The following GON4L variants were observed in gnomAD, a reference collection of about 807,000 sequenced individuals.
The protein encoded by GON4L is GON-4-like protein.
A neutral mutation model predicts 211.8 loss-of-function variants in GON4L; 87 were observed. The observed-to-expected ratio is 0.41, with a 90% CI of 0.35 to 0.49. The LOEUF is 0.49. Ranked by LOEUF, GON4L falls within the 20% of genes least tolerant of loss-of-function variation. The pLI, the probability that GON4L is intolerant of heterozygous loss-of-function variation, is 0.15. For synonymous variants in GON4L, 875 were observed against 962.6 expected (o/e 0.91, Z 1.68); for missense variants, 2,155 against 2,659.5 (o/e 0.81, Z 4.17).
At position 155,750,707 on chromosome 1, in the gene GON4L, C is replaced by G; in HGVS notation, c.6603G>C (p.Met2201Ile). The G allele has an allele frequency of 6.3e-7, 1 of 1,587,068 alleles. No individual in the cohort carries two copies. Among genetic ancestry groups the G allele is most frequent in the South Asian group, 1.1e-5 (1 of 87,316 alleles). The change falls in exon 32 of 32, where the codon ATG (methionine) becomes ATC (isoleucine). Residue 2201 changes from methionine to isoleucine, a missense_variant. By Grantham distance (10) the Met-to-Ile change is conservative. This residue lies in a region of GON4L where 186 missense variants were observed against 308.1 expected (regional missense o/e 0.60). Transcript: ENST00000368331. Reference sequence around the variant, plus strand: ...CTTCACAGGCAGTGTGGAAGAGCTGCATGAGTTCTCGAAAACGGTGGGAAA... The same window carrying G: ...CTTCACAGGCAGTGTGGAAGAGCTGGATGAGTTCTCGAAAACGGTGGGAAA... ...AEVSHRFREL[M>I]QLFHTACEAS...
chr1:155,825,975 G>C (rs960301617), intron 3 of GON4L, among the ~76,000 whole-genome samples: 11 of 152,034 alleles, frequency 7.2e-5, no homozygotes, highest in African/African-American at 2.4e-4. Context: ...CCTGGGAGGC[G>C]GAGGTTGCAG....
chr1:155,808,945 A>C (rs1303095240), intron 10 of GON4L, among the ~76,000 whole-genome samples: 1 of 152,022 alleles, frequency 6.6e-6, no homozygotes, highest in East Asian at 1.9e-4. Context: ...AAAAGTTCTC[A>C]TACTATTACC....
intron 8 of GON4L, 63 bp from the exon 9 acceptor site, chr1:155,814,512 G>A (rs964964725): frequency 4.0e-6 from 6 of 1,505,986 alleles, no homozygotes; most frequent in Non-Finnish European, 5.5e-6. Context: ...AAAGTCTGAA[G>A]TATCTCAAGA....
chr1:155,771,581 C>A (rs1017103234), intron 18 of GON4L, among the ~76,000 whole-genome samples: 4 of 152,068 alleles, frequency 2.6e-5, no homozygotes. Context: ...CAAGCGATTC[C>A]CGTACTTCAT....
intron 19 of GON4L, among the ~76,000 whole-genome samples, chr1:155,770,131 G>C (rs577683722): frequency 6.6e-6 from 1 of 150,540 alleles, no homozygotes; most frequent in Non-Finnish European, 1.5e-5. Flanking sequence ...AGGAATGCTT[G>C]AGCCCAGTAG....
At chr1:155,797,332 C>A (rs980694170) in intron 11 of GON4L, among the ~76,000 whole-genome samples, 9 of 151,734 alleles carry the variant, frequency 5.9e-5, no homozygotes, top group Non-Finnish European at 1.0e-4. Flanking sequence ...TCAGGCTGGT[C>A]TCAAACTCCT....
chr1:155,832,531 C>G (rs994149517), intron 2 of GON4L, among the ~76,000 whole-genome samples: 1 of 151,882 alleles, frequency 6.6e-6, no homozygotes, highest in African/African-American at 2.4e-5. Context: ...CCCAGCTACT[C>G]GGGAGGCTGA....
At chr1:155,791,407 A>G (rs1293580616) in intron 12 of GON4L, among the ~76,000 whole-genome samples, 2 of 151,964 alleles carry the variant, frequency 1.3e-5, no homozygotes, top group African/African-American at 4.8e-5. Flanking sequence ...AGTAATGTGC[A>G]TGGTGAGAGG....
intron 22 of GON4L, 127 bp downstream of exon 22, chr1:155,763,185 G>A: frequency 1.3e-6 from 1 of 783,044 alleles, no homozygotes; most frequent in African/African-American, 1.7e-5. Flanking sequence ...GGGTGTTGCA[G>A]AAGAGATCCA....
At chr1:155,793,699 C>T (rs1474030684) in intron 12 of GON4L, among the ~76,000 whole-genome samples, 3 of 152,050 alleles carry the variant, frequency 2.0e-5, no homozygotes, top group Admixed American at 1.3e-4. Flanking sequence ...TCCTTGACCT[C>T]CTGGGCTGAA....
chr1:155,853,763 C>A lies in GON4L; in HGVS notation c.18G>T (p.Lys6Asn). 6.2e-7 allele frequency: 1 copy of A among 1,613,642 alleles called. No homozygotes were observed. The highest frequency in any genetic ancestry group is 8.5e-7 in the Non-Finnish European group (1 of 1,179,632). The change falls in exon 2 of 32, where the codon AAG becomes AAT. Residue 6 changes from lysine to asparagine, a missense_variant. By Grantham distance (94) the Lys-to-Asn change is moderately conservative. Coordinates refer to ENST00000368331, the MANE Select transcript of GON4L (RefSeq NM_001282860.2). ...GGGACTCTGTCACTGTAGTTCTTCT[C>A]TTCTTACAGGGCAACATTTTAAAAG... MLPCK[K>N]RRTTVTESLQ...
At position 155,765,675 on chromosome 1, in the gene GON4L, T is replaced by C; in HGVS notation, c.3798A>G (p.Glu1266=). ...PLSATVFPKV[E]HSPGPPLADA... The stretch of plus-strand genomic sequence containing the variant: ...CTGCTAGTGGAGGCCCTGGGCTATG[T>C]TCCACTTTCGGGAAAACAGTAGCAG... The change falls in exon 21 of 32, where the codon GAA becomes GAG. Residue 1266 remains glutamate, a synonymous_variant. Coordinates refer to ENST00000368331, the MANE Select transcript of GON4L (RefSeq NM_001282860.2). The C allele has an allele frequency of 6.2e-7, 1 of 1,614,176 alleles. No homozygotes were observed. The highest frequency in any genetic ancestry group is 8.5e-7 in the Non-Finnish European group (1 of 1,180,022).
intron 13 of GON4L, 37 bp from the exon 14 acceptor site, chr1:155,784,126 T>C (rs757107606): frequency 1.2e-6 from 2 of 1,610,938 alleles, no homozygotes; most frequent in African/African-American, 1.3e-5. Flanking sequence ...TCCTGGGGAA[T>C]GGGCCTCTGA....
intron 29 of GON4L, 57 bp from the exon 30 acceptor site, chr1:155,752,647 C>A (rs1478073226): frequency 6.4e-7 from 1 of 1,551,080 alleles, no homozygotes; most frequent in Non-Finnish European, 8.7e-7. Flanking sequence ...CACCTAAGCA[C>A]GAGAAATTAC....
intron 2 of GON4L, among the ~76,000 whole-genome samples, chr1:155,834,906 G>A (rs936691279): frequency 2.4e-4 from 35 of 146,196 alleles, no homozygotes; most frequent in African/African-American, 7.2e-4. Flanking sequence ...GGTGAGGGGC[G>A]CCTCTGCCCA....
intron 18 of GON4L, 28 bp downstream of exon 18, chr1:155,773,038 G>C: frequency 6.2e-7 from 1 of 1,611,322 alleles, no homozygotes. Context: ...ATGTTCTGCT[G>C]TTTTGATCCC....
chr1:155,853,183 C>T lies in GON4L; in HGVS notation c.505+93G>A, dbSNP rs201919208. ...CAATTCCGTACCAAATCAATATCCCCTTTCAGAAATACTACTCTGTAAAGG... is the reference window on the plus strand; with the variant it reads ...CAATTCCGTACCAAATCAATATCCCTTTTCAGAAATACTACTCTGTAAAGG... On this transcript the variant is annotated intron_variant, in intron 2 of 31. Transcript: ENST00000368331. 1.5e-5 allele frequency: 16 copies of T among 1,099,942 alleles called. No individual in the cohort carries two copies. The East Asian group carries it at 3.5e-4, about 24-fold the overall frequency. 68.1% of individuals were successfully genotyped at this position (1,099,942 alleles called of 1,614,324 possible).
chr1:155,748,397 C>T (rs1395455126), downstream of GON4L: 33 of 1,608,570 alleles, frequency 2.1e-5, no homozygotes, highest in Non-Finnish European at 2.3e-5. Flanking sequence ...TGTCTTCTTA[C>T]AGGCCATTCT....
intron 2 of GON4L, among the ~76,000 whole-genome samples, chr1:155,843,001 T>C (rs1057018318): frequency 2.0e-5 from 3 of 152,128 alleles, no homozygotes; most frequent in Non-Finnish European, 4.4e-5. Flanking sequence ...ACAAACCTGT[T>C]TTTGGTGAAT....
Sources: allele counts gnomAD v4.1 joint callset (sites outside exome capture counted in the v4.1 genomes callset), GRCh38; gene constraint gnomAD v4.1.1; regional missense constraint gnomAD v4.1.1; transcripts MANE v1.5; gene names NCBI Gene and HGNC (gene_info 2026-07-23, HGNC 2026-07-21).